The following EPS8L2 variants were observed in gnomAD, a reference collection of about 807,000 sequenced individuals.
EPS8L2 encodes the protein epidermal growth factor receptor kinase substrate 8-like protein 2.
Under a neutral mutation model 99.4 loss-of-function variants are expected in EPS8L2, and 81 were observed. The ratio of observed to expected loss-of-function variants is 0.82; its 90% confidence interval spans 0.68 to 0.98. The LOEUF is 0.98. EPS8L2 is among the 50% of genes least tolerant of loss of function. The pLI is 0.00. For synonymous variants in EPS8L2, 509 were observed against 407.3 expected, an observed-to-expected ratio of 1.25 and a Z score of -3.01; for missense variants, 1,155 against 968.8, an observed-to-expected ratio of 1.19 and a Z score of -2.55.
intron 4 of EPS8L2, among the ~76,000 whole-genome samples, chr11:712,110 AC>A (rs1861907778): frequency 6.6e-6 from 1 of 152,066 alleles, no homozygotes; most frequent in South Asian, 2.1e-4. Flanking sequence ...ACATGGTGAA[AC>A]CCCATCTCTA....
intron 4 of EPS8L2, among the ~76,000 whole-genome samples, chr11:713,786 T>C (rs1442938872): frequency 1.3e-5 from 2 of 152,238 alleles, no homozygotes; most frequent in Non-Finnish European, 2.9e-5. Flanking sequence ...CCTCAATTGA[T>C]CCACCCACCT....
Position 722,704 on chromosome 11 carries a change from C to A in EPS8L2, c.1240C>A (p.Leu414Ile), listed in dbSNP as rs759615652. The A allele has an allele frequency of 1.2e-6, 2 of 1,609,086 alleles. No homozygotes were observed. Among genetic ancestry groups the A allele is most frequent in the Non-Finnish European group, 1.7e-6 (2 of 1,178,372 alleles). ...GTGGCCGCGGGAGCCACAGGTGCCC[C>A]TCTACGTGCCCAAGTTCCACAGCGG... Reference protein sequence around the residue: ...SEWPREPQVPLYVPKFHSGWE... With the variant: ...SEWPREPQVPIYVPKFHSGWE... The change falls in exon 14 of 21, where the codon CTC becomes ATC. Residue 414 changes from leucine to isoleucine, a missense_variant. Physicochemically the swap from Leu to Ile is conservative, Grantham distance 5 (BLOSUM62 2). Coordinates refer to ENST00000318562, the MANE Select transcript of EPS8L2 (RefSeq NM_022772.4).
chr11:722,271 C>CCGGTT, intron 12 of EPS8L2, 106 bp downstream of exon 12: 1 of 1,533,620 alleles, frequency 6.5e-7, no homozygotes, highest in Admixed American at 1.7e-5. Flanking sequence ...CTTGGGCAGC[C>CCGGTT]CGGTTCACGC....
intron 16 of EPS8L2, 55 bp from the exon 17 acceptor site, chr11:725,673 G>T: frequency 1.6e-6 from 2 of 1,282,004 alleles, no homozygotes; most frequent in South Asian, 5.5e-5. Flanking sequence ...GCCAGCGGGT[G>T]GTCCCAGCCC....
rs1862141370 is a variant in EPS8L2, at chr11:720,926, A to G, written c.557+17A>G. 3.1e-6 allele frequency: 3 copies of G among 958,896 alleles called. No individual in the cohort carries two copies. Among genetic ancestry groups the G allele is most frequent in the South Asian group, 1.9e-5 (1 of 52,604 alleles). The allele number at this position is 958,896 out of a possible 1,614,324, so 59.4% of individuals were successfully genotyped here. A position where few individuals can be genotyped will look rare whatever the true frequency, so the allele number is the denominator to read the frequency against. ...GACCCTGAAGTAGGGCAGCGGGCGGAGCGGGGTCGCAGGGGGCGGGGAGGG... is the reference window on the plus strand; with the variant it reads ...GACCCTGAAGTAGGGCAGCGGGCGGGGCGGGGTCGCAGGGGGCGGGGAGGG... On this transcript the variant is annotated intron_variant, in intron 7 of 20. Coordinates refer to ENST00000318562, the MANE Select transcript of EPS8L2 (RefSeq NM_022772.4).
At chr11:714,293 G>A (rs567662452) in intron 4 of EPS8L2, among the ~76,000 whole-genome samples, 4 of 150,434 alleles carry the variant, frequency 2.7e-5, no homozygotes, top group African/African-American at 9.7e-5. Flanking sequence ...GCAGTGGCGT[G>A]ATCTTGGTTC....
intron 17 of EPS8L2, 52 bp from the exon 18 acceptor site, chr11:726,046 C>G: frequency 8.0e-7 from 1 of 1,255,056 alleles, no homozygotes; most frequent in Non-Finnish European, 1.1e-6. Context: ...CGGGCAGGTG[C>G]TGGGAGGCGG....
Position 721,302 on chromosome 11 carries a change from T to C in EPS8L2, c.718T>C (p.Ser240Pro). The change falls in exon 9 of 21, where the codon TCG becomes CCG. Residue 240 changes from serine (S) to proline (P), a missense_variant. Transcript: ENST00000318562. ...CCCATCAGGTTTCCGCCGTCGGGAG[T>C]CGCAGGAGGAGCCGCGGGCCGTGCT... ...LSEPGFRRRE[S>P]QEEPRAVLAQ... 6.5e-7 allele frequency: 1 copy of C among 1,536,810 alleles called. No individual in the cohort carries two copies. The highest frequency in any genetic ancestry group is 1.4e-5 in the African/African-American group (1 of 72,136).
intron 4 of EPS8L2, among the ~76,000 whole-genome samples, chr11:710,767 A>AAAGGGAGG (rs1168795308): frequency 2.5e-4 from 34 of 137,662 alleles, no homozygotes; most frequent in South Asian, 8.9e-4. Flanking sequence ...AGAAAGAGAG[A>AAAGGGAGG]AAGGGAGGAA....
rs775633073 is a variant in EPS8L2, at chr11:722,067, C to T, written c.985-24C>T. 5 of 1,612,464 alleles carry T rather than the reference C, an allele frequency of 3.1e-6. No individual in the cohort carries two copies. The South Asian group carries it at 5.5e-5, about 18-fold the overall frequency. On this transcript the variant is annotated intron_variant, in intron 11 of 20. Coordinates refer to ENST00000318562, the MANE Select transcript of EPS8L2 (RefSeq NM_022772.4). ...TGGAGGCCCCGCCCCGCCCCGGCAC[C>T]TGCTCACTTGTTCCCACCCCCAGGC...
At chr11:713,693 C>T (rs752646251) in intron 4 of EPS8L2, among the ~76,000 whole-genome samples, 4 of 152,222 alleles carry the variant, frequency 2.6e-5, no homozygotes, top group Non-Finnish European at 4.4e-5. Context: ...TACAGGCACG[C>T]ACCACCACAC....
At position 726,976 on chromosome 11, in the gene EPS8L2, A is replaced by G. The variant is rs1340761180; in HGVS notation, c.2143A>G (p.Ser715Gly). 33 of 1,611,912 alleles carry G rather than the reference A, an allele frequency of 2.0e-5. No individual in the cohort carries two copies. Among genetic ancestry groups the G allele is most frequent in the Non-Finnish European group, 2.8e-5 (33 of 1,178,880 alleles). The change falls in exon 21 of 21, where the codon AGC becomes GGC. Residue 715 changes from serine (S) to glycine (G), a missense_variant. Ser to Gly is a moderately conservative substitution (Grantham distance 56). Transcript: ENST00000318562. ...HSMNQRRGED[S>G] ...CATGAATCAGAGGAGGGGGGAGGAC[A>G]GCTAGGCCCAGCTGCCTTGGGCTGG...
chr11:714,839 A>G (rs1861975913), intron 4 of EPS8L2, among the ~76,000 whole-genome samples: 2 of 152,000 alleles, frequency 1.3e-5, no homozygotes, highest in South Asian at 4.1e-4. Flanking sequence ...GATGTCCATT[A>G]GAGGTACTGG....
At chr11:715,654 T>G in intron 4 of EPS8L2, among the ~76,000 whole-genome samples, 1 of 146,612 alleles carries the variant, frequency 6.8e-6, no homozygotes, top group Non-Finnish European at 1.5e-5. Context: ...GGAGTCTTGC[T>G]CTGTCGCCCA....
chr11:720,217 G>A lies in EPS8L2; in HGVS notation c.321G>A (p.Glu107=). 6.2e-7 allele frequency: 1 copy of A among 1,613,006 alleles called. No individual in the cohort carries two copies. Residue 107 remains glutamate (E), a synonymous_variant, in exon 5 of 21, where the codon GAG becomes GAA. Coordinates refer to ENST00000318562, the MANE Select transcript of EPS8L2 (RefSeq NM_022772.4). The part of the protein sequence containing the change: ...NDQSLRLLDI[E]SQEELEDFPL... Reference sequence around the variant, plus strand: ...AGTCGCTGCGGCTGCTGGACATCGAGTCACAGGTGGGGCCCAGCGCCACGG... The same window carrying A: ...AGTCGCTGCGGCTGCTGGACATCGAATCACAGGTGGGGCCCAGCGCCACGG...
Position 709,543 on chromosome 11 carries a change from T to C in EPS8L2, c.45-10T>C, listed in dbSNP as rs1394226063. ...AGTTTGGCCCTGCCCTGACAGCCCC[T>C]CCCCTGCAGTGGCAGCCTGGGCCGG... is the stretch of plus-strand genomic sequence containing the variant. On this transcript the variant is annotated splice_polypyrimidine_tract_variant and intron_variant, in intron 2 of 20. Transcript: ENST00000318562. 5 of 1,475,464 alleles carry C rather than the reference T, an allele frequency of 3.4e-6. No homozygotes were observed. Among genetic ancestry groups the C allele is most frequent in the Non-Finnish European group, 4.6e-6 (5 of 1,093,206 alleles). The allele number at this position is 1,475,464 out of a possible 1,614,324, so 91.4% of individuals were successfully genotyped here.
In EPS8L2 at chr11:724,195, T is replaced by C. The variant is rs1400513352; in HGVS notation, c.1455-529T>C. On this transcript the variant is annotated intron_variant, in intron 15 of 20. Coordinates refer to ENST00000318562, the MANE Select transcript of EPS8L2 (RefSeq NM_022772.4). The surrounding 1 kb of genome is among the most constrained non-coding windows in gnomAD (Gnocchi z 5.5). ...GGCCAGGTGACAGCCACAGGCCTGCTACATGCCAAAGCCAGGACCCCTCAG... is the reference window on the plus strand; with the variant it reads ...GGCCAGGTGACAGCCACAGGCCTGCCACATGCCAAAGCCAGGACCCCTCAG... Among the ~76,000 whole-genome samples, 3 of 152,080 alleles carry C rather than the reference T, an allele frequency of 2.0e-5. No individual in the cohort carries two copies. Among genetic ancestry groups the C allele is most frequent in the Non-Finnish European group, 4.4e-5 (3 of 67,992 alleles).
chr11:725,445 A>T (rs1862286975), intron 16 of EPS8L2, among the ~76,000 whole-genome samples: 1 of 152,216 alleles, frequency 6.6e-6, no homozygotes, highest in Admixed American at 6.5e-5. Flanking sequence ...CAGGAGGTCG[A>T]GGCTGCAGTG....
chr11:711,932 G>A (rs961251921), intron 4 of EPS8L2, among the ~76,000 whole-genome samples: 10 of 151,272 alleles, frequency 6.6e-5, no homozygotes, highest in African/African-American at 9.7e-5. Flanking sequence ...GCAGTGAGCC[G>A]AGATCACACC....
Sources: gnomAD v4.1 joint callset for allele counts (sites outside exome capture counted in the v4.1 genomes callset) on GRCh38, gnomAD v4.1.1 for gene constraint, Gnocchi (gnomAD v3.1) non-coding constraint, MANE v1.5 for transcripts, NCBI Gene and HGNC (gene_info 2026-07-23, HGNC 2026-07-21) for gene names.